Variants in PTPRD observed in about 807,000 individuals in gnomAD.
The protein encoded by PTPRD is receptor-type tyrosine-protein phosphatase delta.
PTPRD carries 34 observed loss-of-function variants against 214.5 expected under a neutral mutation model. The observed-to-expected ratio is 0.16, with a 90% CI of 0.12 to 0.21. PTPRD has a LOEUF of 0.21. PTPRD is among the 10% of genes least tolerant of loss of function. PTPRD has a pLI of 1.00. For missense variants in PTPRD, 2,545 were observed against 2,398.7 expected (o/e 1.06, Z -1.27); for synonymous variants, 1,128 against 845.7 (o/e 1.33, Z -5.79).
chr9:8,755,722 T>G (rs545363937), intron 11 of PTPRD, among the ~76,000 whole-genome samples: 1 of 152,318 alleles, frequency 6.6e-6, no homozygotes, highest in South Asian at 2.1e-4. Flanking sequence ...CTTAGTTACC[T>G]TCTAATCATT....
At chr9:9,762,313 C>G (rs2098665211) in intron 6 of PTPRD, among the ~76,000 whole-genome samples, 1 of 152,208 alleles carries the variant, frequency 6.6e-6, no homozygotes, top group Non-Finnish European at 1.5e-5. Context: ...AGGATTTCAG[C>G]TGGTATAATC....
At chr9:9,919,558 T>TGC (rs1294878405) in intron 5 of PTPRD, among the ~76,000 whole-genome samples, 1 of 152,126 alleles carries the variant, frequency 6.6e-6, no homozygotes, top group Non-Finnish European at 1.5e-5. Flanking sequence ...AAAGGCCCAA[T>TGC]GATTCATGTA....
At chr9:9,730,444 A>G (rs2098168770) in intron 7 of PTPRD, among the ~76,000 whole-genome samples, 1 of 152,094 alleles carries the variant, frequency 6.6e-6, no homozygotes, top group African/African-American at 2.4e-5. Context: ...GGTATAAAAG[A>G]TATGTATACA....
intron 14 of PTPRD, among the ~76,000 whole-genome samples, chr9:8,550,907 AC>A (rs1260064934): frequency 1.3e-5 from 2 of 152,186 alleles, no homozygotes; most frequent in African/African-American, 4.8e-5. Context: ...TATTCTCTCC[AC>A]GGGCCTGTCT....
chr9:9,841,222 A>C (rs1244048028), intron 5 of PTPRD, among the ~76,000 whole-genome samples: 1 of 152,198 alleles, frequency 6.6e-6, no homozygotes, highest in Non-Finnish European at 1.5e-5. Context: ...GGGTTAACAG[A>C]AATAATAAGG....
At chr9:10,433,132 G>C (rs1024798742) in intron 2 of PTPRD, among the ~76,000 whole-genome samples, 8 of 151,794 alleles carry the variant, frequency 5.3e-5, no homozygotes, top group African/African-American at 1.5e-4. Flanking sequence ...GATGTTACTA[G>C]ATCAAAAGCA....
intron 2 of PTPRD, among the ~76,000 whole-genome samples, chr9:10,478,240 A>G (rs554816351): frequency 8.8e-4 from 134 of 152,334 alleles, no homozygotes; most frequent in Non-Finnish European, 4.7e-4. Context: ...AAACCTAATA[A>G]GCATTATTAC....
rs543584463 is a variant in PTPRD, at chr9:9,698,836, T to C, written c.-287+35697A>G. On this transcript the variant is annotated intron_variant, in intron 7 of 45. Coordinates refer to ENST00000381196, the MANE Select transcript of PTPRD (RefSeq NM_002839.4). ...GATTTGAGAAAGGGCATCACAGATA[T>C]AAAAGTCTGATTAGCCTAACAACAT... 2.0e-5 allele frequency among the ~76,000 whole-genome samples: 3 copies of C among 152,318 alleles called. No individual in the cohort carries two copies. The East Asian group carries it at 5.8e-4, about 29-fold the overall frequency.
chr9:9,417,603 G>A (rs1587839494), intron 8 of PTPRD, among the ~76,000 whole-genome samples: 1 of 151,946 alleles, frequency 6.6e-6, no homozygotes, highest in Non-Finnish European at 1.5e-5. Flanking sequence ...GAAACCTGAG[G>A]GAAGTTGAGT....
chr9:10,437,130 C>T (rs930449458), intron 2 of PTPRD, among the ~76,000 whole-genome samples: 6 of 151,776 alleles, frequency 4.0e-5, no homozygotes, highest in Admixed American at 1.3e-4. Context: ...AACCCATCAT[C>T]CCTATATACT....
intron 2 of PTPRD, among the ~76,000 whole-genome samples, chr9:10,460,153 G>T (rs1161196195): frequency 6.6e-6 from 1 of 151,762 alleles, no homozygotes; most frequent in African/African-American, 2.4e-5. Context: ...AGCATAAAAA[G>T]CTTAGGAATA....
At chr9:9,325,600 A>G (rs1043128342) in intron 9 of PTPRD, among the ~76,000 whole-genome samples, 1 of 152,088 alleles carries the variant, frequency 6.6e-6, no homozygotes, top group Admixed American at 6.6e-5. Context: ...GGGCTGAGAC[A>G]ATGGGGTTTT....
chr9:8,936,357 G>T (rs1248834344), intron 11 of PTPRD, among the ~76,000 whole-genome samples: 1 of 142,732 alleles, frequency 7.0e-6, no homozygotes, highest in Non-Finnish European at 1.5e-5. Context: ...CTGGGAGGCA[G>T]AGGTTGCGGC....
At chr9:10,462,818 T>C (rs955486671) in intron 2 of PTPRD, among the ~76,000 whole-genome samples, 2 of 151,694 alleles carry the variant, frequency 1.3e-5, no homozygotes, top group Non-Finnish European at 1.5e-5. Flanking sequence ...CCTGAGAAAG[T>C]AGTACATTGT....
chr9:9,050,743 A>C (rs2099683464), intron 10 of PTPRD, among the ~76,000 whole-genome samples: 1 of 151,978 alleles, frequency 6.6e-6, no homozygotes, highest in Admixed American at 6.6e-5. Flanking sequence ...CACTATTATA[A>C]CGCTTGTGTT....
chr9:9,121,085 G>C (rs1308511773), intron 10 of PTPRD, among the ~76,000 whole-genome samples: 1 of 152,184 alleles, frequency 6.6e-6, no homozygotes, highest in Non-Finnish European at 1.5e-5. Flanking sequence ...CCAATTTTCA[G>C]TTCAAATACT....
intron 34 of PTPRD, among the ~76,000 whole-genome samples, chr9:8,443,451 G>A (rs2095616464): frequency 6.6e-6 from 1 of 152,162 alleles, no homozygotes; most frequent in Non-Finnish European, 1.5e-5. Context: ...AGACATTTCT[G>A]CTGCTGATAC....
At chr9:8,424,530 C>T (rs1328147464) in intron 35 of PTPRD, among the ~76,000 whole-genome samples, 1 of 152,122 alleles carries the variant, frequency 6.6e-6, no homozygotes, top group Non-Finnish European at 1.5e-5. Context: ...AAGTGCTATA[C>T]ACATGTTTGC....
chr9:8,345,635 A>C (rs1215710627), intron 39 of PTPRD, among the ~76,000 whole-genome samples: 2 of 152,064 alleles, frequency 1.3e-5, no homozygotes, highest in East Asian at 1.9e-4. Context: ...AATCCAAAAC[A>C]GGTAGTACAC....
Sources: gnomAD v4.1 joint callset for allele counts (sites outside exome capture counted in the v4.1 genomes callset) on GRCh38, gnomAD v4.1.1 for gene constraint, MANE v1.5 for transcripts, NCBI Gene and HGNC (gene_info 2026-07-23, HGNC 2026-07-21) for gene names.